The following TANC2 variants were observed in gnomAD, a reference collection of about 807,000 sequenced individuals.
TANC2 encodes protein TANC2.
In TANC2, 26 loss-of-function variants were observed where a neutral mutation model predicts 210.5. The ratio of observed to expected loss-of-function variants is 0.12; its 90% confidence interval spans 0.09 to 0.17. The LOEUF is 0.17. Ranked by LOEUF, TANC2 falls within the 10% of genes least tolerant of loss-of-function variation. The pLI is 1.00. For missense variants in TANC2, 2,129 were observed against 2,608.9 expected (o/e 0.82, Z 4.01); for synonymous variants, 931 against 967.1 (o/e 0.96, Z 0.69).
chr17:63,004,234 C>T (rs1413800279), intron 1 of TANC2, among the ~76,000 whole-genome samples: 1 of 152,210 alleles, frequency 6.6e-6, no homozygotes, highest in Non-Finnish European at 1.5e-5. Flanking sequence ...GGGGCGCCAT[C>T]TCAGTGGCAT....
At chr17:63,224,168 C>A (rs183865030) in intron 7 of TANC2, among the ~76,000 whole-genome samples, 1 of 152,072 alleles carries the variant, frequency 6.6e-6, no homozygotes, top group South Asian at 2.1e-4. Flanking sequence ...AACCATCTTG[C>A]CACTAGAAAC....
In TANC2 at chr17:63,029,122, A is replaced by G. The variant is rs115313093; in HGVS notation, c.67+19496A>G. On this transcript the variant is annotated intron_variant, in intron 2 of 27. Coordinates refer to ENST00000689528, the Ensembl canonical transcript of TANC2. ...AGCATACATTTATTAAATGTTTATTATGCACCATGTTAAGTACTTTAACCA... is the reference window on the plus strand; with the variant it reads ...AGCATACATTTATTAAATGTTTATTGTGCACCATGTTAAGTACTTTAACCA... 2.6e-3 allele frequency among the ~76,000 whole-genome samples: 389 copies of G among 152,194 alleles called. 2 individuals carry two copies. Among genetic ancestry groups the G allele is most frequent in the African/African-American group, 8.9e-3 (369 of 41,568 alleles).
intron 5 of TANC2, among the ~76,000 whole-genome samples, chr17:63,170,036 G>C (rs922288307): frequency 6.6e-6 from 1 of 151,160 alleles, no homozygotes. Context: ...GGAGAATGGC[G>C]TGAACCCAGG....
At chr17:63,155,292 A>G (rs2039797955) in intron 5 of TANC2, 1 of 152,144 alleles carries the variant, frequency 6.6e-6, no homozygotes, top group African/African-American at 2.4e-5. Flanking sequence ...TATATGCCAC[A>G]TGCTTAGCTC....
rs866156531 is a variant in TANC2, at chr17:63,170,407, G to A, written c.433+19027G>A. Among the ~76,000 whole-genome samples, 18 of 149,926 alleles carry A rather than the reference G, an allele frequency of 1.2e-4. 1 individual carries two copies. The highest frequency in any genetic ancestry group is 6.9e-3 in the Middle Eastern group (2 of 290). On this transcript the variant is annotated intron_variant, in intron 5 of 27. Transcript: ENST00000689528. Reference sequence around the variant, plus strand: ...CCGAGATCGTGCCACTGCTCTCACAGCCTGGGCAACAGAGCGAGATTCCAT... The same window carrying A: ...CCGAGATCGTGCCACTGCTCTCACAACCTGGGCAACAGAGCGAGATTCCAT...
intron 1 of TANC2, among the ~76,000 whole-genome samples, chr17:63,002,362 G>A (rs888422253): frequency 2.0e-5 from 3 of 152,064 alleles, no homozygotes; most frequent in Admixed American, 6.5e-5. Flanking sequence ...TTTAGTTATC[G>A]CATGTATATC....
intron 4 of TANC2, among the ~76,000 whole-genome samples, chr17:63,134,274 A>G (rs2039016235): frequency 6.6e-6 from 1 of 152,118 alleles, no homozygotes; most frequent in Non-Finnish European, 1.5e-5. Flanking sequence ...ATGTTCCTCT[A>G]TTGCCTGTCA....
At chr17:63,079,998 G>T (rs2036712947) in intron 3 of TANC2, among the ~76,000 whole-genome samples, 1 of 152,150 alleles carries the variant, frequency 6.6e-6, no homozygotes, top group Non-Finnish European at 1.5e-5. Context: ...ACTGCCGCAG[G>T]TTAGGTGGTT....
Position 63,301,769 on chromosome 17 carries a change from C to T in TANC2, c.1160-12619C>T, listed in dbSNP as rs530141817. ...ATTGTTTCAAGGGTTTTTCTTGTCT[C>T]TATACTCTTCAGTTCTGCTCTGATC... is the stretch of plus-strand genomic sequence containing the variant. On this transcript the variant is annotated intron_variant, in intron 9 of 27. Coordinates refer to ENST00000689528, the Ensembl canonical transcript of TANC2. Among the ~76,000 whole-genome samples the T allele has an allele frequency of 7.2e-5, 11 of 152,222 alleles. No individual in the cohort carries two copies. In the South Asian group the frequency reaches 2.1e-3, roughly 29 times the overall value.
At chr17:63,191,825 G>A (rs906300789) in intron 5 of TANC2, among the ~76,000 whole-genome samples, 3 of 152,128 alleles carry the variant, frequency 2.0e-5, no homozygotes, top group Non-Finnish European at 4.4e-5. Context: ...AAATGAAAGT[G>A]GAATAGGGAA....
At chr17:63,413,499 C>T (rs1444789885) in intron 24 of TANC2, 44 bp from the exon 25 acceptor site, 2 of 1,497,136 alleles carry the variant, frequency 1.3e-6, no homozygotes, top group Non-Finnish European at 9.1e-7. Flanking sequence ...ACCACCCTTA[C>T]ATTGTATGAG....
At chr17:63,353,209 G>A (rs889637137) in intron 13 of TANC2, among the ~76,000 whole-genome samples, 1 of 152,114 alleles carries the variant, frequency 6.6e-6, no homozygotes, top group Non-Finnish European at 1.5e-5. Flanking sequence ...CATGTGAAAT[G>A]GTCATATTTC....
intron 1 of TANC2, among the ~76,000 whole-genome samples, chr17:63,007,716 A>G (rs1293987435): frequency 6.6e-6 from 1 of 151,412 alleles, no homozygotes; most frequent in Non-Finnish European, 1.5e-5. Flanking sequence ...CCATTACCCT[A>G]CTCCTTCCTT....
intron 25 of TANC2, chr17:63,414,430 T>G (rs1195424166): frequency 6.6e-6 from 1 of 152,208 alleles, no homozygotes; most frequent in African/African-American, 2.4e-5. Context: ...CACGGTAATC[T>G]AGGACTCCCA....
chr17:63,110,162 ATT>A (rs1361668211), intron 4 of TANC2, among the ~76,000 whole-genome samples: 3 of 151,592 alleles, frequency 2.0e-5, no homozygotes, highest in Non-Finnish European at 4.4e-5. Flanking sequence ...TAGTGTCCAC[ATT>A]TTGACATCCT....
At chr17:63,220,797 T>G (rs1298917281) in intron 7 of TANC2, among the ~76,000 whole-genome samples, 1 of 147,766 alleles carries the variant, frequency 6.8e-6, no homozygotes, top group East Asian at 2.0e-4. Context: ...TATATATGTA[T>G]ATATACGTGT....
At chr17:63,090,594 A>C (rs2037149555) in intron 3 of TANC2, among the ~76,000 whole-genome samples, 1 of 152,092 alleles carries the variant, frequency 6.6e-6, no homozygotes, top group Admixed American at 6.5e-5. Context: ...CGTTTTCTTA[A>C]TCCAGTCTAT....
Position 63,418,203 on chromosome 17 carries a change from C to A in TANC2, c.4168-104C>A. The A allele has an allele frequency of 8.3e-7, 1 of 1,202,650 alleles. No individual in the cohort carries two copies. The allele number at this position is 1,202,650 out of a possible 1,614,324, so 74.5% of individuals were successfully genotyped here. A position where few individuals can be genotyped will look rare whatever the true frequency, so the allele number is the denominator to read the frequency against. On this transcript the variant is annotated intron_variant, in intron 26 of 27. Coordinates refer to ENST00000689528, the Ensembl canonical transcript of TANC2. This position sits in a 1 kb window ranked among gnomAD's most constrained non-coding sequence, Gnocchi z 4.6. Reference sequence around the variant, plus strand: ...GGCACGTCTAGCGTCCCAGGCGTTCCATCCATGAATGTCAAAAAATGTACA... The same window carrying A: ...GGCACGTCTAGCGTCCCAGGCGTTCAATCCATGAATGTCAAAAAATGTACA...
In TANC2 at chr17:63,325,065, T is replaced by TG. The variant is rs1184971864; in HGVS notation, c.1575+5981dup. ...AGACTACATAATTCTTTGTGTGGGG[T>TG]GGGGGGCGGGGGGCGGGCAGGGGCA... On this transcript the variant is annotated intron_variant, in intron 11 of 27. Coordinates refer to ENST00000689528, the Ensembl canonical transcript of TANC2. Among the ~76,000 whole-genome samples the TG allele has an allele frequency of 3.3e-3, 230 of 69,412 alleles. 1 individual carries two copies. Among genetic ancestry groups the TG allele is most frequent in the African/African-American group, 0.013 (220 of 16,646 alleles). The allele number at this position is 69,412 out of a possible 152,430, so 45.5% of individuals were successfully genotyped here.
Sources: allele counts gnomAD v4.1 joint callset (sites outside exome capture counted in the v4.1 genomes callset), GRCh38; gene constraint gnomAD v4.1.1; non-coding constraint Gnocchi (gnomAD v3.1); transcripts MANE v1.5; gene names NCBI Gene and HGNC (gene_info 2026-07-23, HGNC 2026-07-21).